Variants in SLC25A21 observed in about 807,000 individuals in gnomAD.
The protein encoded by SLC25A21 is mitochondrial 2-oxodicarboxylate carrier.
Under a neutral mutation model 43.8 loss-of-function variants are expected in SLC25A21, and 47 were observed. The ratio of observed to expected loss-of-function variants is 1.07; its 90% CI spans 0.85 to 1.37. The LOEUF is 1.37. Among genes scored for constraint, SLC25A21 ranks in the 40% most tolerant of loss-of-function variants. SLC25A21 has a pLI of 0.00. For missense variants in SLC25A21, 352 were observed against 350.2 expected, an observed-to-expected ratio of 1.00 and a Z score of -0.04; for synonymous variants, 131 against 121.3, an observed-to-expected ratio of 1.08 and a Z score of -0.52.
chr14:36,977,019 A>G (rs548042007), intron 1 of SLC25A21, among the ~76,000 whole-genome samples: 39 of 152,308 alleles, frequency 2.6e-4, no homozygotes, highest in African/African-American at 6.5e-4. Flanking sequence ...TTTCAAAACC[A>G]TAAGTTTTCT....
At chr14:37,054,690 C>G (rs1243157500) in intron 1 of SLC25A21, among the ~76,000 whole-genome samples, 1 of 148,078 alleles carries the variant, frequency 6.8e-6, no homozygotes, top group African/African-American at 2.6e-5. Flanking sequence ...AAGACTGTGG[C>G]CTTCAGTAAT....
intron 1 of SLC25A21, among the ~76,000 whole-genome samples, chr14:36,975,286 G>T (rs1043288083): frequency 2.0e-5 from 3 of 152,198 alleles, no homozygotes; most frequent in Non-Finnish European, 4.4e-5. Flanking sequence ...ATGGGCGTTT[G>T]AGCTGGTTTC....
rs763339798 is a variant in SLC25A21, at chr14:37,172,414, G to A, written c.-64C>T. 6 of 1,503,440 alleles carry A rather than the reference G, an allele frequency of 4.0e-6. No homozygotes were observed. In the Admixed American group the frequency reaches 7.8e-5, roughly 20 times the overall value. 93.1% of individuals were successfully genotyped at this position (1,503,440 alleles called of 1,614,324 possible). On this transcript the variant is annotated 5_prime_UTR_variant, in exon 1 of 10. Coordinates refer to ENST00000331299, the MANE Select transcript of SLC25A21 (RefSeq NM_030631.4). ...CGTCAACGAGCTCGCAGCCTGCACA[G>A]CCTACTGATCCAGAGAGCCCCGGCT...
intron 1 of SLC25A21, among the ~76,000 whole-genome samples, chr14:37,169,157 A>G (rs534300717): frequency 2.0e-4 from 30 of 152,250 alleles, no homozygotes; most frequent in African/African-American, 7.0e-4. Flanking sequence ...TCTTCTGTTC[A>G]GTGCTGACTG....
At chr14:36,873,983 G>A (rs1890447491) in intron 2 of SLC25A21, among the ~76,000 whole-genome samples, 1 of 152,114 alleles carries the variant, frequency 6.6e-6, no homozygotes, top group African/African-American at 2.4e-5. Flanking sequence ...ATAATATTTT[G>A]TTACAGCAGC....
At chr14:36,967,166 A>C (rs550409039) in intron 1 of SLC25A21, among the ~76,000 whole-genome samples, 4 of 152,320 alleles carry the variant, frequency 2.6e-5, no homozygotes, top group African/African-American at 7.2e-5. Context: ...TACTAACTGA[A>C]GATCAATGGT....
chr14:36,888,763 T>A (rs2138579807), intron 1 of SLC25A21, among the ~76,000 whole-genome samples: 1 of 152,254 alleles, frequency 6.6e-6, no homozygotes, highest in Admixed American at 6.5e-5. Context: ...AATGAAGAAT[T>A]CAGATTTGTA....
chr14:36,691,542 T>C (rs955450676), intron 7 of SLC25A21, among the ~76,000 whole-genome samples: 8 of 152,202 alleles, frequency 5.3e-5, no homozygotes, highest in Middle Eastern at 3.2e-3. Flanking sequence ...CTTTGCTCAA[T>C]TGCAAGGGCA....
intron 1 of SLC25A21, among the ~76,000 whole-genome samples, chr14:36,954,444 A>G (rs1049804296): frequency 2.0e-5 from 3 of 151,848 alleles, no homozygotes; most frequent in Non-Finnish European, 4.4e-5. Context: ...TCTGACCCCA[A>G]CTTAGGTTTC....
At chr14:36,862,688 C>A (rs1029143343) in intron 2 of SLC25A21, among the ~76,000 whole-genome samples, 4 of 152,042 alleles carry the variant, frequency 2.6e-5, no homozygotes, top group African/African-American at 9.7e-5. Context: ...CAGCAAACCA[C>A]CATGGCATGT....
intron 2 of SLC25A21, among the ~76,000 whole-genome samples, chr14:36,818,910 C>T (rs1302683210): frequency 1.3e-5 from 2 of 152,142 alleles, no homozygotes; most frequent in African/African-American, 2.4e-5. Flanking sequence ...ATAATACAAC[C>T]CCTTGTAAAA....
rs554564025 is a variant in SLC25A21 at position 36,717,182 on chromosome 14, T to A, written c.439-5700A>T. 1.1e-4 allele frequency among the ~76,000 whole-genome samples: 16 copies of A among 152,348 alleles called. 1 individual carries two copies. The South Asian group carries it at 3.3e-3, about 32-fold the overall frequency. Reference sequence around the variant, plus strand: ...CAAATGAGGTCTTGAAGCATTTTCATACATTTGAAAAATTTAAAAATCATA... The same window carrying A: ...CAAATGAGGTCTTGAAGCATTTTCAAACATTTGAAAAATTTAAAAATCATA... On this transcript the variant is annotated intron_variant, in intron 6 of 9. Coordinates refer to ENST00000331299, the MANE Select transcript of SLC25A21 (RefSeq NM_030631.4).
chr14:36,989,184 T>A (rs1459849747), intron 1 of SLC25A21, among the ~76,000 whole-genome samples: 1 of 152,190 alleles, frequency 6.6e-6, no homozygotes. Context: ...TGAGCACTCC[T>A]GGCTGCAATG....
At chr14:37,098,934 C>T (rs1029477642) in intron 1 of SLC25A21, among the ~76,000 whole-genome samples, 1 of 151,788 alleles carries the variant, frequency 6.6e-6, no homozygotes, top group Non-Finnish European at 1.5e-5. Flanking sequence ...TCTCGAGTAG[C>T]TGGGATTACA....
chr14:36,780,294 A>G (rs753594105), intron 3 of SLC25A21, among the ~76,000 whole-genome samples: 2 of 151,882 alleles, frequency 1.3e-5, no homozygotes, highest in South Asian at 2.1e-4. Flanking sequence ...TTGAGCTTCA[A>G]TGATCTTTTC....
At chr14:37,013,528 C>T (rs1167266386) in intron 1 of SLC25A21, among the ~76,000 whole-genome samples, 1 of 152,158 alleles carries the variant, frequency 6.6e-6, no homozygotes, top group African/African-American at 2.4e-5. Flanking sequence ...TTTCAAAAAT[C>T]TCTTAATATA....
intron 1 of SLC25A21, among the ~76,000 whole-genome samples, chr14:36,940,105 G>A (rs1892519752): frequency 6.6e-6 from 1 of 152,060 alleles, no homozygotes; most frequent in Non-Finnish European, 1.5e-5. Flanking sequence ...ATTCTAAACT[G>A]CGTATTGCAA....
At chr14:36,830,267 A>G (rs1420852580) in intron 2 of SLC25A21, among the ~76,000 whole-genome samples, 1 of 152,210 alleles carries the variant, frequency 6.6e-6, no homozygotes, top group Non-Finnish European at 1.5e-5. Context: ...TACTGGCATT[A>G]GTTCACAGCA....
At chr14:36,917,201 C>G (rs1891854021) in intron 1 of SLC25A21, among the ~76,000 whole-genome samples, 2 of 152,078 alleles carry the variant, frequency 1.3e-5, no homozygotes, top group Admixed American at 6.6e-5. Flanking sequence ...TTGCCAAACA[C>G]TTACCCATAG....
Sources: allele counts gnomAD v4.1 joint callset (sites outside exome capture counted in the v4.1 genomes callset), GRCh38; gene constraint gnomAD v4.1.1; transcripts MANE v1.5; gene names NCBI Gene and HGNC (gene_info 2026-07-23, HGNC 2026-07-21).